The following FRAS1 variants were observed in gnomAD, a reference collection of about 807,000 sequenced individuals.
The protein encoded by FRAS1 is Fraser extracellular matrix complex subunit 1.
Under a neutral mutation model 435.2 loss-of-function variants are expected in FRAS1, and 290 were observed. The ratio of observed to expected loss-of-function variants is 0.67; its 90% CI spans 0.61 to 0.73. The LOEUF (loss-of-function observed/expected upper bound fraction) is 0.73, where lower values mean the gene tolerates loss of function less well. Among genes scored for constraint, FRAS1 ranks in the 30% least tolerant of loss-of-function variants. The probability of loss-of-function intolerance (pLI) is 0.00; values close to 1 mark genes in which losing one functional copy is unlikely to be tolerated. For synonymous variants in FRAS1, 1,800 were observed against 1,851.0 expected (o/e 0.97, Z 0.71); for missense variants, 4,860 against 5,001.5 (o/e 0.97, Z 0.85).
chr4:78,119,755 G>A (rs192681266), intron 2 of FRAS1, among the ~76,000 whole-genome samples: 14 of 152,286 alleles, frequency 9.2e-5, no homozygotes, highest in African/African-American at 2.9e-4. Flanking sequence ...AGCGAGATGA[G>A]GGAGGATCCT....
chr4:78,407,615 G>T, intron 30 of FRAS1, 48 bp from the exon 31 acceptor site: 1 of 1,505,714 alleles, frequency 6.6e-7, no homozygotes, highest in South Asian at 1.3e-5. Flanking sequence ...TAAGGGCTCT[G>T]ACTTTTCCTA....
Position 78,470,070 on chromosome 4 carries a change from G to C in FRAS1, c.7350G>C (p.Trp2450Cys), listed in dbSNP as rs1045933866. The change falls in exon 51 of 74, where the codon TGG becomes TGC. Residue 2450 changes from tryptophan (W) to cysteine (C), a missense_variant. Trp to Cys is a radical substitution (Grantham distance 215, BLOSUM62 -2). Transcript: ENST00000512123. ...TTGTCACCAACCTGGGACTCCAGTG[G>C]CTGGAATACATGGATGGCAAGGTAA... ...PRIVTNLGLQWLEYMDGKATN... is the reference protein window; with the variant it reads ...PRIVTNLGLQCLEYMDGKATN... The C allele has an allele frequency of 5.6e-6, 9 of 1,612,786 alleles. No individual in the cohort carries two copies. The highest frequency in any genetic ancestry group is 1.3e-5 in the African/African-American group (1 of 74,884).
At chr4:78,239,685 G>T (rs925171244) in intron 3 of FRAS1, among the ~76,000 whole-genome samples, 2 of 152,022 alleles carry the variant, frequency 1.3e-5, no homozygotes, top group Admixed American at 6.6e-5. Flanking sequence ...AAGCCTCCTT[G>T]CTGTTCCCTG....
intron 22 of FRAS1, among the ~76,000 whole-genome samples, chr4:78,368,403 C>G (rs1039084320): frequency 1.3e-5 from 2 of 151,118 alleles, no homozygotes; most frequent in African/African-American, 4.9e-5. Context: ...AGATCTAAAA[C>G]TCACTGGGTT....
chr4:78,491,379 A>T (rs560217363), intron 59 of FRAS1, among the ~76,000 whole-genome samples: 1 of 152,332 alleles, frequency 6.6e-6, no homozygotes, highest in East Asian at 1.9e-4. Context: ...AATATCTCTG[A>T]TGAACATCAA....
intron 4 of FRAS1, among the ~76,000 whole-genome samples, chr4:78,246,390 A>G (rs1578204409): frequency 6.6e-6 from 1 of 152,258 alleles, no homozygotes; most frequent in Non-Finnish European, 1.5e-5. Context: ...GGGCAGGATT[A>G]TCTTACTCGA....
Position 78,540,705 on chromosome 4 carries a change from G to A in FRAS1, c.11620G>A (p.Gly3874Arg). Reference protein sequence around the residue: ...LDDSLIYDNEGDQVKNGTNMK... With the variant: ...LDDSLIYDNERDQVKNGTNMK... ...TGATTCCCTCATCTATGACAATGAA[G>A]GAGACCAAGTCAAGAATGGCACCAA... The change falls in exon 74 of 74, where the codon GGA becomes AGA. Residue 3874 changes from glycine (G) to arginine (R), a missense_variant. Physicochemically the swap from Gly to Arg is moderately radical, Grantham distance 125. Transcript: ENST00000512123. 1 of 1,613,804 alleles carries A rather than the reference G, an allele frequency of 6.2e-7. No homozygotes were observed. Among genetic ancestry groups the A allele is most frequent in the South Asian group, 1.1e-5 (1 of 91,052 alleles).
chr4:78,470,685 G>A (rs554304060), intron 51 of FRAS1, among the ~76,000 whole-genome samples: 2 of 152,302 alleles, frequency 1.3e-5, no homozygotes, highest in African/African-American at 4.8e-5. Context: ...AAGTATACAG[G>A]AGAAAGTGTA....
At chr4:78,087,533 C>G (rs1029466027) in intron 2 of FRAS1, among the ~76,000 whole-genome samples, 1 of 152,206 alleles carries the variant, frequency 6.6e-6, no homozygotes, top group African/African-American at 2.4e-5. Context: ...ACCCCATGGT[C>G]TCAGCCCAAA....
intron 2 of FRAS1, among the ~76,000 whole-genome samples, chr4:78,164,596 C>T (rs1721264380): frequency 1.3e-5 from 2 of 152,064 alleles, no homozygotes; most frequent in African/African-American, 4.8e-5. Flanking sequence ...TACTATATAA[C>T]AGCTTCCCTA....
At chr4:78,168,658 T>C (rs1402466690) in intron 2 of FRAS1, among the ~76,000 whole-genome samples, 1 of 152,106 alleles carries the variant, frequency 6.6e-6, no homozygotes, top group South Asian at 2.1e-4. Context: ...TAGTTTTTCT[T>C]AAAATATTGT....
intron 12 of FRAS1, among the ~76,000 whole-genome samples, 177 bp downstream of exon 12, chr4:78,283,144 G>A (rs929896112): frequency 2.6e-5 from 4 of 152,036 alleles, no homozygotes; most frequent in Non-Finnish European, 2.9e-5. Context: ...CTGTGTAATT[G>A]CCAAACTCAA....
intron 2 of FRAS1, among the ~76,000 whole-genome samples, chr4:78,141,992 G>A (rs1720208584): frequency 6.6e-6 from 1 of 152,086 alleles, no homozygotes; most frequent in South Asian, 2.1e-4. Context: ...GAGAAGCATG[G>A]GAGGGGGATG....
chr4:78,390,351 T>G (rs1174737692), intron 29 of FRAS1, among the ~76,000 whole-genome samples: 1 of 152,198 alleles, frequency 6.6e-6, no homozygotes, highest in African/African-American at 2.4e-5. Context: ...GTTTGTACAG[T>G]TATTATCCAT....
chr4:78,391,135 C>T (rs1184738887), intron 29 of FRAS1, among the ~76,000 whole-genome samples: 1 of 152,156 alleles, frequency 6.6e-6, no homozygotes, highest in Non-Finnish European at 1.5e-5. Context: ...AGATGAGAAG[C>T]CCTTGGGGCA....
In FRAS1 at chr4:78,337,864, C is replaced by T. The variant is rs562113610; in HGVS notation, c.2422+47C>T. On this transcript the variant is annotated intron_variant, in intron 20 of 73. Coordinates refer to ENST00000512123, the MANE Select transcript of FRAS1 (RefSeq NM_025074.7). ...TCCTCGGAAATCACTGGGCAGCTGCCGGGGCTCTTCATACCAGGCTTAAGG... is the reference window on the plus strand; with the variant it reads ...TCCTCGGAAATCACTGGGCAGCTGCTGGGGCTCTTCATACCAGGCTTAAGG... 4.5e-5 allele frequency: 72 copies of T among 1,606,824 alleles called. No homozygotes were observed. In the East Asian group the frequency reaches 5.4e-4, roughly 12 times the overall value.
chr4:78,538,726 G>T (rs992416980), intron 72 of FRAS1, among the ~76,000 whole-genome samples: 1 of 152,108 alleles, frequency 6.6e-6, no homozygotes, highest in Non-Finnish European at 1.5e-5. Context: ...AGGCCGAGGT[G>T]GGCGGATCAC....
chr4:78,222,827 T>A (rs1335535429), intron 2 of FRAS1, among the ~76,000 whole-genome samples: 1 of 152,210 alleles, frequency 6.6e-6, no homozygotes, highest in South Asian at 2.1e-4. Context: ...ATTCAGCCAA[T>A]TGACTAGTAC....
At chr4:78,433,695 G>C (rs1734299923) in intron 38 of FRAS1, among the ~76,000 whole-genome samples, 1 of 152,092 alleles carries the variant, frequency 6.6e-6, no homozygotes, top group South Asian at 2.1e-4. Flanking sequence ...GTTTTTAATT[G>C]ACAGGTGATT....
Sources: gnomAD v4.1 joint callset for allele counts (sites outside exome capture counted in the v4.1 genomes callset) on GRCh38, gnomAD v4.1.1 for gene constraint, MANE v1.5 for transcripts, NCBI Gene and HGNC (gene_info 2026-07-23, HGNC 2026-07-21) for gene names.